AKAP13: variants seen among roughly 807,000 people sequenced by gnomAD.
AKAP13 encodes A-kinase anchoring protein 13.
AKAP13 carries 80 observed loss-of-function variants against 264.5 expected under a neutral mutation model. The ratio of observed to expected loss-of-function variants is 0.30; its 90% CI spans 0.25 to 0.36. AKAP13 has a LOEUF of 0.36. AKAP13 is among the 10% of genes least tolerant of loss of function. The pLI is 1.00. For synonymous variants in AKAP13, 1,380 were observed against 1,250.2 expected, an observed-to-expected ratio of 1.10 and a Z score of -2.19; for missense variants, 3,712 against 3,435.2, an observed-to-expected ratio of 1.08 and a Z score of -2.01.
intron 8 of AKAP13, among the ~76,000 whole-genome samples, chr15:85,611,969 C>CA (rs2080651016): frequency 2.0e-5 from 3 of 152,312 alleles, no homozygotes; most frequent in African/African-American, 7.2e-5. Context: ...GGGCCAGTCT[C>CA]AAACATGATT....
At position 85,483,636 on chromosome 15, in the gene AKAP13, A is replaced by AAAAAAAAC. The variant is rs1555434070; in HGVS notation, c.-11-2067_-11-2066insCAAAAAAA. Among the ~76,000 whole-genome samples, 21 of 139,098 alleles carry AAAAAAAAC rather than the reference A, an allele frequency of 1.5e-4. 1 individual carries two copies. Among genetic ancestry groups the AAAAAAAAC allele is most frequent in the East Asian group, 8.1e-4 (4 of 4,950 alleles). 91.3% of individuals were successfully genotyped at this position (139,098 alleles called of 152,430 possible). A position where few individuals can be genotyped will look rare whatever the true frequency, so the allele number is the denominator to read the frequency against. ...CGACAGAGCGAGACTCCGTCTCAAA[A>AAAAAAAAC]AAAAAAAAAAAAAAACACCAAAAAA... On this transcript the variant is annotated intron_variant, in intron 1 of 36. Coordinates refer to ENST00000394518, the MANE Select transcript of AKAP13 (RefSeq NM_007200.5).
At chr15:85,560,620 A>G (rs1393583372) in intron 5 of AKAP13, among the ~76,000 whole-genome samples, 2 of 151,972 alleles carry the variant, frequency 1.3e-5, no homozygotes, top group Non-Finnish European at 2.9e-5. Context: ...TCATATTTTT[A>G]TCTATTTCTA....
rs1297506797 is a variant in AKAP13, at chr15:85,562,699, T to C, written c.663-12432T>C. Among the ~76,000 whole-genome samples the C allele has an allele frequency of 7.1e-4, 96 of 134,908 alleles. 2 individuals are homozygous for C. Among genetic ancestry groups the C allele is most frequent in the East Asian group, 1.3e-3 (6 of 4,794 alleles). The allele number at this position is 134,908 out of a possible 152,430, so 88.5% of individuals were successfully genotyped here. ...TTCTTTTCTTTTCTTTTCTTTTTTT[T>C]TTTTTTTTTTTTTGAGACTGAATTT... On this transcript the variant is annotated intron_variant, in intron 5 of 36. Coordinates refer to ENST00000394518, the MANE Select transcript of AKAP13 (RefSeq NM_007200.5).
chr15:85,625,772 C>T (rs1165553086), intron 8 of AKAP13, among the ~76,000 whole-genome samples: 1 of 152,202 alleles, frequency 6.6e-6, no homozygotes, highest in African/African-American at 2.4e-5. Flanking sequence ...GTAGGAAGCA[C>T]TCTGACAGTG....
intron 5 of AKAP13, among the ~76,000 whole-genome samples, chr15:85,567,044 C>A (rs1379221556): frequency 6.6e-6 from 1 of 152,118 alleles, no homozygotes; most frequent in Non-Finnish European, 1.5e-5. Flanking sequence ...AATGTAGATA[C>A]TGAATACTGA....
chr15:85,689,459 G>T (rs941677286), intron 16 of AKAP13, among the ~76,000 whole-genome samples: 2 of 152,174 alleles, frequency 1.3e-5, no homozygotes, highest in African/African-American at 4.8e-5. Flanking sequence ...AATCACCTTT[G>T]ATAGTGTCCT....
At chr15:85,653,891 TTCCC>T (rs1473928092) in intron 10 of AKAP13, among the ~76,000 whole-genome samples, 1 of 152,240 alleles carries the variant, frequency 6.6e-6, no homozygotes, top group Admixed American at 6.5e-5. Context: ...AAGCTCATCT[TTCCC>T]TCACCCATCA....
At chr15:85,472,010 G>T (rs2074978772) in intron 1 of AKAP13, among the ~76,000 whole-genome samples, 1 of 151,844 alleles carries the variant, frequency 6.6e-6, no homozygotes, top group Non-Finnish European at 1.5e-5. Context: ...CTTTAGTTTT[G>T]TATTTTTTTA....
At chr15:85,733,574 T>G (rs2088204243) in intron 30 of AKAP13, among the ~76,000 whole-genome samples, 1 of 152,186 alleles carries the variant, frequency 6.6e-6, no homozygotes, top group Admixed American at 6.5e-5. Flanking sequence ...TTTGGTCTTC[T>G]TCAAGGTCTC....
At position 85,580,511 on chromosome 15, in the gene AKAP13, A is replaced by T. The variant is rs370596454; in HGVS notation, c.2443A>T (p.Thr815Ser). 1 of 1,614,184 alleles carries T rather than the reference A, an allele frequency of 6.2e-7. No homozygotes were observed. Among genetic ancestry groups the T allele is most frequent in the Admixed American group, 1.7e-5 (1 of 60,028 alleles). The change falls in exon 7 of 37, where the codon ACT becomes TCT. Residue 815 changes from threonine (T) to serine (S), a missense_variant. Physicochemically the swap from Thr to Ser is moderately conservative, Grantham distance 58 (BLOSUM62 1). Around this residue, in one of 3 missense-constraint regions of AKAP13, gnomAD observed 2,759 missense variants for 2,411.7 expected, o/e 1.14. Coordinates refer to ENST00000394518, the MANE Select transcript of AKAP13 (RefSeq NM_007200.5). ...CTCCCAGAAAGAAAAGGGAACAGCA[A>T]CTCCTGAACTACATACAGCTACAGA... Reference protein sequence around the residue: ...VPSQKEKGTATPELHTATDYR... With the variant: ...VPSQKEKGTASPELHTATDYR...
chr15:85,396,014 A>C (rs1215423225), intron 1 of AKAP13, among the ~76,000 whole-genome samples: 1 of 77,122 alleles, frequency 1.3e-5, no homozygotes, highest in Middle Eastern at 5.6e-3. Context: ...TTTTGACTAT[A>C]CATACATACA....
At chr15:85,531,020 G>T (rs1206626491) in intron 3 of AKAP13, among the ~76,000 whole-genome samples, 11 of 152,066 alleles carry the variant, frequency 7.2e-5, no homozygotes. Context: ...GACTACAGAT[G>T]CCCGGCTAAT....
At chr15:85,621,127 A>T in intron 8 of AKAP13, 1 of 152,164 alleles carries the variant, frequency 6.6e-6, no homozygotes, top group Non-Finnish European at 1.5e-5. Context: ...TATTTTATTG[A>T]TTTATCAATT....
chr15:85,679,351 G>T (rs2084452924), intron 14 of AKAP13, among the ~76,000 whole-genome samples: 1 of 152,134 alleles, frequency 6.6e-6, no homozygotes, highest in South Asian at 2.1e-4. Context: ...AAATACGGAA[G>T]CTTGCAGAAA....
intron 8 of AKAP13, among the ~76,000 whole-genome samples, chr15:85,588,497 A>G (rs1361746424): frequency 6.6e-6 from 1 of 152,216 alleles, no homozygotes; most frequent in Non-Finnish European, 1.5e-5. Context: ...TTAATATTGT[A>G]GTGATTAGAG....
At position 85,460,142 on chromosome 15, in the gene AKAP13, C is replaced by T. The variant is rs746427731; in HGVS notation, c.-11-25568C>T. On this transcript the variant is annotated intron_variant, in intron 1 of 36. Coordinates refer to ENST00000394518, the MANE Select transcript of AKAP13 (RefSeq NM_007200.5). ...GACTTTTAATGGCTTCCCATTGCAC[C>T]TGGAGTCAAATTTAACTCCATATTA... 4.6e-4 allele frequency among the ~76,000 whole-genome samples: 70 copies of T among 152,266 alleles called. No homozygotes were observed. In the Middle Eastern group the frequency reaches 0.01, roughly 22 times the overall value.
At position 85,727,583 on chromosome 15, in the gene AKAP13, TG is replaced by T; in HGVS notation, c.7087+121del. On this transcript the variant is annotated intron_variant, in intron 29 of 36. Coordinates refer to ENST00000394518, the MANE Select transcript of AKAP13 (RefSeq NM_007200.5). This position sits in a 1 kb window ranked among gnomAD's most constrained non-coding sequence, Gnocchi z 5.3. ...TTCTAAAGCTGCCCCAGCAGGCACT[TG>T]AAAGCAGCAAAATGAATAGCTGTTA... 9.6e-7 allele frequency: 1 copy of T among 1,040,076 alleles called. No individual in the cohort carries two copies. The highest frequency in any genetic ancestry group is 1.4e-6 in the Non-Finnish European group (1 of 704,082). 64.4% of individuals were successfully genotyped at this position (1,040,076 alleles called of 1,614,324 possible).
rs142134013 is a variant in AKAP13, at chr15:85,533,129, T to C, written c.182-455T>C. On this transcript the variant is annotated intron_variant, in intron 3 of 36. Transcript: ENST00000394518. ...TGATAATAAAGCAAGTGCTAGTGAA[T>C]CTGTAAAATTCTTGCTATATAACTT... Among the ~76,000 whole-genome samples, 82 of 152,370 alleles carry C rather than the reference T, an allele frequency of 5.4e-4. 1 individual carries two copies. In the Middle Eastern group the frequency reaches 0.017, roughly 32 times the overall value.
rs528007586 is a variant in AKAP13, at chr15:85,708,259, T to C, written c.5532+173T>C. On this transcript the variant is annotated intron_variant, in intron 18 of 36. Transcript: ENST00000394518. This position sits in a 1 kb window ranked among gnomAD's most constrained non-coding sequence, Gnocchi z 4.3. ...ATTTTTTCTCTTAAGCGATCAATCT[T>C]CTTCTTGAGTAACACTGGAGAATTA... Among the ~76,000 whole-genome samples the C allele has an allele frequency of 1.1e-4, 16 of 152,210 alleles. No individual in the cohort carries two copies. The highest frequency in any genetic ancestry group is 1.6e-4 in the Non-Finnish European group (11 of 68,034).
Sources: gnomAD v4.1 joint callset for allele counts (sites outside exome capture counted in the v4.1 genomes callset) on GRCh38, gnomAD v4.1.1 for gene constraint, gnomAD v4.1.1 regional missense constraint, Gnocchi (gnomAD v3.1) non-coding constraint, MANE v1.5 for transcripts, NCBI Gene and HGNC (gene_info 2026-07-23, HGNC 2026-07-21) for gene names.